The following ACOXL variants were observed in gnomAD, a reference collection of about 807,000 sequenced individuals.
The protein encoded by ACOXL is acyl-coenzyme A oxidase-like protein.
Under a neutral mutation model 71.9 loss-of-function variants are expected in ACOXL, and 70 were observed. The ratio of observed to expected loss-of-function variants is 0.97; its 90% CI spans 0.80 to 1.19. The LOEUF (loss-of-function observed/expected upper bound fraction) is 1.19. ACOXL is among the 50% of genes most tolerant of loss of function. The pLI is 0.00. For synonymous variants in ACOXL, 253 were observed against 281.6 expected, an observed-to-expected ratio of 0.90 and a Z score of 1.02; for missense variants, 703 against 736.3, an observed-to-expected ratio of 0.95 and a Z score of 0.52.
At position 110,997,194 on chromosome 2, in the gene ACOXL, A is replaced by G. The variant is rs376907429; in HGVS notation, c.1281+1190A>G. On this transcript the variant is annotated intron_variant, in intron 14 of 17. Transcript: ENST00000439055. ...TATAGAAGAAAAGGCTAAAGACAAA[A>G]CGATAAGAGAAGAAAACAGAAGCAG... Among the ~76,000 whole-genome samples, 7 of 152,352 alleles carry G rather than the reference A, an allele frequency of 4.6e-5. No homozygotes were observed. In the East Asian group the frequency reaches 1.2e-3, roughly 25 times the overall value.
At chr2:110,794,245 C>T in intron 5 of ACOXL, 71 bp downstream of exon 5, 1 of 1,425,054 alleles carries the variant, frequency 7.0e-7, no homozygotes, top group East Asian at 2.3e-5. Flanking sequence ...CTCCTTCTTT[C>T]TGTGTCCAGC....
chr2:110,963,718 G>C, intron 12 of ACOXL: 1 of 1,613,710 alleles, frequency 6.2e-7, no homozygotes, highest in Non-Finnish European at 8.5e-7. Flanking sequence ...CTTCAGGTAA[G>C]ATTCGGGAAA....
chr2:111,096,287 A>G (rs2068797938), intron 17 of ACOXL, among the ~76,000 whole-genome samples: 1 of 151,470 alleles, frequency 6.6e-6, no homozygotes, highest in Non-Finnish European at 1.5e-5. Flanking sequence ...CCCAGGCTGG[A>G]GTGCAGTGGC....
intron 9 of ACOXL, among the ~76,000 whole-genome samples, chr2:110,817,878 C>G (rs568517006): frequency 6.6e-6 from 1 of 151,170 alleles, no homozygotes; most frequent in South Asian, 2.1e-4. Context: ...GCACTAAGGG[C>G]TGGCTCACTG....
intron 10 of ACOXL, among the ~76,000 whole-genome samples, chr2:110,897,660 G>A (rs1255178436): frequency 2.0e-5 from 3 of 151,960 alleles, no homozygotes; most frequent in African/African-American, 7.3e-5. Context: ...GAATTTTGGG[G>A]GTACATATTC....
intron 10 of ACOXL, among the ~76,000 whole-genome samples, chr2:110,902,706 C>T (rs1419533089): frequency 6.6e-6 from 1 of 152,204 alleles, no homozygotes; most frequent in African/African-American, 2.4e-5. Flanking sequence ...CCAAGTTCAA[C>T]TGGTGGCATT....
At chr2:110,926,705 C>T (rs1475813445) in intron 11 of ACOXL, among the ~76,000 whole-genome samples, 1 of 152,166 alleles carries the variant, frequency 6.6e-6, no homozygotes, top group African/African-American at 2.4e-5. Flanking sequence ...CTCAAACTTT[C>T]TATCCCCCTG....
chr2:110,878,355 A>G (rs1696188324), intron 10 of ACOXL, among the ~76,000 whole-genome samples: 2 of 152,276 alleles, frequency 1.3e-5, no homozygotes, highest in Non-Finnish European at 1.5e-5. Context: ...GCTCTATCAG[A>G]AGAAATTATG....
chr2:110,797,943 G>T (rs564113986), intron 5 of ACOXL, among the ~76,000 whole-genome samples: 3 of 152,300 alleles, frequency 2.0e-5, no homozygotes, highest in Admixed American at 2.0e-4. Flanking sequence ...AGCCAGGCAG[G>T]CTCAGCCAAA....
chr2:110,877,735 A>G (rs1227416995), intron 10 of ACOXL, among the ~76,000 whole-genome samples: 3 of 152,204 alleles, frequency 2.0e-5, no homozygotes, highest in African/African-American at 7.2e-5. Flanking sequence ...GAGACCAGAA[A>G]GGCCCACTGG....
At chr2:111,026,909 T>C (rs994168288) in intron 14 of ACOXL, among the ~76,000 whole-genome samples, 1 of 152,172 alleles carries the variant, frequency 6.6e-6, no homozygotes, top group South Asian at 2.1e-4. Context: ...TTGTTTTCGT[T>C]TTTTTAAGAT....
intron 10 of ACOXL, among the ~76,000 whole-genome samples, chr2:110,870,081 T>C (rs764217744): frequency 6.6e-6 from 1 of 152,178 alleles, no homozygotes; most frequent in Admixed American, 6.5e-5. Flanking sequence ...ACTAGTTATC[T>C]TATGGCTGGG....
intron 14 of ACOXL, among the ~76,000 whole-genome samples, chr2:111,004,393 A>G (rs2063778196): frequency 6.6e-6 from 1 of 152,176 alleles, no homozygotes; most frequent in Admixed American, 6.5e-5. Context: ...TCCAAGGTCA[A>G]AGTTGGAGAG....
intron 14 of ACOXL, among the ~76,000 whole-genome samples, chr2:111,007,727 C>T (rs1472613476): frequency 6.6e-6 from 1 of 152,154 alleles, no homozygotes; most frequent in Non-Finnish European, 1.5e-5. Context: ...TCTGGGTGTG[C>T]TCATTGCTAC....
intron 14 of ACOXL, among the ~76,000 whole-genome samples, chr2:111,011,555 G>A (rs1209911440): frequency 1.2e-4 from 18 of 152,164 alleles, no homozygotes; most frequent in Admixed American, 1.2e-3. Flanking sequence ...GAGAGACTAT[G>A]TTAATATCAG....
At chr2:110,883,842 C>A (rs888236079) in intron 10 of ACOXL, among the ~76,000 whole-genome samples, 1 of 152,096 alleles carries the variant, frequency 6.6e-6, no homozygotes, top group Non-Finnish European at 1.5e-5. Context: ...CATACTCCAT[C>A]CTTTGTATGA....
rs117258476 is a variant in ACOXL, at chr2:110,989,332, C to G, written c.1169+2115C>G. On this transcript the variant is annotated intron_variant, in intron 13 of 17. Coordinates refer to ENST00000439055, the MANE Select transcript of ACOXL (RefSeq NM_001142807.4). ...AGTTTGTCTTGGGGCTATTTTGTTCCTAGTCTCTTTGTGTATTTTTGATCC... is the reference window on the plus strand; with the variant it reads ...AGTTTGTCTTGGGGCTATTTTGTTCGTAGTCTCTTTGTGTATTTTTGATCC... 2.6e-3 allele frequency among the ~76,000 whole-genome samples: 394 copies of G among 152,166 alleles called. 9 individuals carry two copies. In the East Asian group the frequency reaches 0.049, roughly 19 times the overall value.
intron 10 of ACOXL, among the ~76,000 whole-genome samples, chr2:110,903,550 CT>C (rs534898079): frequency 1.2e-4 from 18 of 152,004 alleles, no homozygotes; most frequent in Admixed American, 7.9e-4. Context: ...AGCTAAGTGA[CT>C]TTTTTTTGGT....
chr2:111,001,897 A>G (rs1392810895), intron 14 of ACOXL, among the ~76,000 whole-genome samples: 1 of 152,172 alleles, frequency 6.6e-6, no homozygotes, highest in Non-Finnish European at 1.5e-5. Context: ...ATTAAGGATG[A>G]TTAGGATGGG....
Sources: gnomAD v4.1 joint callset for allele counts (sites outside exome capture counted in the v4.1 genomes callset) on GRCh38, gnomAD v4.1.1 for gene constraint, MANE v1.5 for transcripts, NCBI Gene and HGNC (gene_info 2026-07-23, HGNC 2026-07-21) for gene names.